LGR4: variants seen among roughly 807,000 people sequenced by gnomAD.
LGR4 encodes leucine rich repeat containing G protein-coupled receptor 4, also known as leucine-rich repeat-containing G protein-coupled receptor 4.
Under a neutral mutation model 84.8 loss-of-function variants are expected in LGR4, and 44 were observed. That is an observed-to-expected ratio of 0.52 (90% CI 0.41 to 0.67). The LOEUF is 0.67. Among genes scored for constraint, LGR4 ranks in the 30% least tolerant of loss-of-function variants. The pLI, the probability that LGR4 is intolerant of heterozygous loss-of-function variation, is 0.00. For missense variants in LGR4, 1,032 were observed against 1,131.4 expected (o/e 0.91, Z 1.26); for synonymous variants, 429 against 434.3 (o/e 0.99, Z 0.15).
chr11:27,472,734 C>A lies in LGR4; in HGVS notation c.-432G>T. ...AAACACCCAGACTCTGGCTCGCTGT[C>A]TCCCAGCCGCGGCTCAATCTCTTCC... On this transcript the variant is annotated 5_prime_UTR_variant, in exon 1 of 18. Coordinates refer to ENST00000379214, the MANE Select transcript of LGR4 (RefSeq NM_018490.5). 1 of 356,708 alleles carries A rather than the reference C, an allele frequency of 2.8e-6. No individual in the cohort carries two copies. The highest frequency in any genetic ancestry group is 5.0e-6 in the Non-Finnish European group (1 of 199,582). The allele number at this position is 356,708 out of a possible 1,614,324, so 22.1% of individuals were successfully genotyped here.
chr11:27,427,045 T>C (rs924147876), intron 1 of LGR4, among the ~76,000 whole-genome samples: 3 of 152,214 alleles, frequency 2.0e-5, no homozygotes, highest in Admixed American at 1.3e-4. Context: ...GTACTACCTG[T>C]ACCTAACCAA....
chr11:27,437,986 A>G (rs1167506395), intron 1 of LGR4, among the ~76,000 whole-genome samples: 1 of 152,056 alleles, frequency 6.6e-6, no homozygotes, highest in Non-Finnish European at 1.5e-5. Context: ...AGTGCACTCC[A>G]GCCTGAGCAA....
At chr11:27,455,972 T>G (rs1177837950) in intron 1 of LGR4, among the ~76,000 whole-genome samples, 1 of 152,212 alleles carries the variant, frequency 6.6e-6, no homozygotes, top group Non-Finnish European at 1.5e-5. Flanking sequence ...TGCCTGGCAT[T>G]CAATAACATT....
At chr11:27,391,234 C>CTT in intron 3 of LGR4, 69 bp from the exon 4 acceptor site, 1 of 490,134 alleles carries the variant, frequency 2.0e-6, no homozygotes. Context: ...AAATTCAGAG[C>CTT]CTTTTTTTTT....
At chr11:27,416,015 T>C (rs1565085574) in intron 1 of LGR4, among the ~76,000 whole-genome samples, 1 of 152,110 alleles carries the variant, frequency 6.6e-6, no homozygotes, top group Non-Finnish European at 1.5e-5. Flanking sequence ...TTATGATACA[T>C]AAATATAAGG....
intron 1 of LGR4, among the ~76,000 whole-genome samples, chr11:27,451,834 T>C (rs941628434): frequency 6.6e-6 from 1 of 152,214 alleles, no homozygotes; most frequent in Non-Finnish European, 1.5e-5. Flanking sequence ...CACTCAGTAA[T>C]AAAATACTTT....
intron 1 of LGR4, among the ~76,000 whole-genome samples, chr11:27,469,211 C>G (rs1864829077): frequency 6.6e-6 from 1 of 152,182 alleles, no homozygotes; most frequent in African/African-American, 2.4e-5. Context: ...CTGAGGATCA[C>G]ATCTGACGCT....
chr11:27,426,969 G>T (rs1025954975), intron 1 of LGR4, among the ~76,000 whole-genome samples: 2 of 152,258 alleles, frequency 1.3e-5, no homozygotes, highest in African/African-American at 4.8e-5. Context: ...AGTGGGGTGA[G>T]TCCCTCCCTG....
intron 1 of LGR4, among the ~76,000 whole-genome samples, chr11:27,464,581 A>C (rs1340359374): frequency 6.6e-6 from 1 of 152,200 alleles, no homozygotes; most frequent in Non-Finnish European, 1.5e-5. Context: ...TAAGAGCTAC[A>C]TAAGGAACCT....
At chr11:27,372,721 T>C (rs1862908762) in intron 15 of LGR4, among the ~76,000 whole-genome samples, 2 of 152,244 alleles carry the variant, frequency 1.3e-5, no homozygotes, top group Admixed American at 6.5e-5. Context: ...GTATTAACTA[T>C]GCACAATTTA....
chr11:27,369,295 A>AT, intron 17 of LGR4, 152 bp from the exon 18 acceptor site: 1 of 508,886 alleles, frequency 2.0e-6, no homozygotes, highest in South Asian at 6.2e-5. Flanking sequence ...GTTCTAAGAT[A>AT]TTTTGGTCAT....
At chr11:27,403,893 A>G (rs1224906300) in intron 2 of LGR4, among the ~76,000 whole-genome samples, 2 of 152,202 alleles carry the variant, frequency 1.3e-5, no homozygotes, top group Non-Finnish European at 2.9e-5. Context: ...TAGCATCTCT[A>G]AAATGATCAT....
At chr11:27,443,417 G>A (rs1031417966) in intron 1 of LGR4, among the ~76,000 whole-genome samples, 2 of 152,166 alleles carry the variant, frequency 1.3e-5, no homozygotes, top group Non-Finnish European at 2.9e-5. Flanking sequence ...CACCTAAGTA[G>A]CCTGTATATC....
At chr11:27,418,840 T>C (rs2133406117) in intron 1 of LGR4, among the ~76,000 whole-genome samples, 1 of 149,334 alleles carries the variant, frequency 6.7e-6, no homozygotes, top group African/African-American at 2.4e-5. Flanking sequence ...ATCTTTTTTT[T>C]TTTTTTTTTT....
intron 1 of LGR4, among the ~76,000 whole-genome samples, chr11:27,439,781 T>C (rs111971116): frequency 4.6e-5 from 7 of 152,274 alleles, no homozygotes; most frequent in African/African-American, 1.4e-4. Flanking sequence ...ACCCTGGCCA[T>C]TTTATGAAGC....
intron 1 of LGR4, among the ~76,000 whole-genome samples, chr11:27,425,076 T>G (rs538083973): frequency 6.6e-6 from 1 of 152,176 alleles, no homozygotes; most frequent in Admixed American, 6.5e-5. Context: ...CCATCCAGTA[T>G]ATCGATCCCC....
chr11:27,471,216 G>C (rs1864865157), intron 1 of LGR4, among the ~76,000 whole-genome samples: 1 of 152,162 alleles, frequency 6.6e-6, no homozygotes, highest in Non-Finnish European at 1.5e-5. Flanking sequence ...AGTCCGTTTT[G>C]GCAGGGCGAT....
At chr11:27,459,493 T>C (rs76270760) in intron 1 of LGR4, among the ~76,000 whole-genome samples, 3 of 151,948 alleles carry the variant, frequency 2.0e-5, no homozygotes. Flanking sequence ...TTTTTTTTTT[T>C]TGAGACAGAG....
chr11:27,418,331 C>T (rs952492039), intron 1 of LGR4, among the ~76,000 whole-genome samples: 1 of 152,198 alleles, frequency 6.6e-6, no homozygotes, highest in African/African-American at 2.4e-5. Context: ...AGTATATGTG[C>T]CATGTTAGAT....
Sources: allele counts gnomAD v4.1 joint callset (sites outside exome capture counted in the v4.1 genomes callset), GRCh38; gene constraint gnomAD v4.1.1; transcripts MANE v1.5; gene names NCBI Gene and HGNC (gene_info 2026-07-23, HGNC 2026-07-21).